The following EXOC4 variants were observed in gnomAD, a reference collection of about 807,000 sequenced individuals.
EXOC4 encodes the protein exocyst complex component 4.
In EXOC4, 71 loss-of-function variants were observed where a neutral mutation model predicts 107.2. The observed-to-expected ratio is 0.66, with a 90% CI of 0.55 to 0.81. The LOEUF is 0.81. EXOC4 is among the 30% of genes least tolerant of loss of function. The pLI, the probability that EXOC4 is intolerant of heterozygous loss-of-function variation, is 0.00. For synonymous variants in EXOC4, 456 were observed against 441.2 expected, an observed-to-expected ratio of 1.03 and a Z score of -0.42; for missense variants, 1,108 against 1,189.6, an observed-to-expected ratio of 0.93 and a Z score of 1.01.
intron 1 of EXOC4, among the ~76,000 whole-genome samples, chr7:133,269,426 A>G (rs1793812627): frequency 6.6e-6 from 1 of 152,186 alleles, no homozygotes; most frequent in South Asian, 2.1e-4. Flanking sequence ...CTTATCTGTA[A>G]AAAGGCTGGT....
chr7:133,302,597 A>G (rs1378449673), intron 3 of EXOC4, among the ~76,000 whole-genome samples: 2 of 152,220 alleles, frequency 1.3e-5, no homozygotes, highest in African/African-American at 2.4e-5. Flanking sequence ...TGATTTGTGA[A>G]TAGGGGAATA....
chr7:133,265,210 G>T (rs1793698082), intron 1 of EXOC4, among the ~76,000 whole-genome samples: 2 of 152,060 alleles, frequency 1.3e-5, no homozygotes, highest in Admixed American at 6.5e-5. Flanking sequence ...TCTGAAACTA[G>T]TGAACTCTTC....
intron 7 of EXOC4, among the ~76,000 whole-genome samples, chr7:133,376,308 T>G (rs1044627527): frequency 6.6e-6 from 1 of 152,208 alleles, no homozygotes; most frequent in Non-Finnish European, 1.5e-5. Flanking sequence ...GAATAAAATA[T>G]CTTTATGGGT....
chr7:133,745,149 G>A (rs917864182), intron 10 of EXOC4, among the ~76,000 whole-genome samples: 23 of 151,250 alleles, frequency 1.5e-4, no homozygotes, highest in African/African-American at 5.3e-4. Flanking sequence ...TTTTATTTTT[G>A]TTGCTTCCAT....
intron 10 of EXOC4, among the ~76,000 whole-genome samples, chr7:133,676,848 A>G (rs1794068296): frequency 6.6e-6 from 1 of 151,912 alleles, no homozygotes; most frequent in Non-Finnish European, 1.5e-5. Context: ...GGAGTTTCTT[A>G]TGTATATTAT....
intron 12 of EXOC4, among the ~76,000 whole-genome samples, chr7:133,912,557 C>G (rs866401371): frequency 3.3e-5 from 5 of 152,162 alleles, no homozygotes. Flanking sequence ...GAGAATAAAA[C>G]GGAAACCATT....
intron 14 of EXOC4, among the ~76,000 whole-genome samples, chr7:133,990,301 T>C (rs1042680046): frequency 1.5e-4 from 19 of 124,620 alleles, no homozygotes; most frequent in African/African-American, 5.5e-4. Flanking sequence ...TCTCAGCCTC[T>C]AGTAATCACC....
At chr7:134,061,549 G>A (rs1043038045) in intron 17 of EXOC4, among the ~76,000 whole-genome samples, 2 of 152,164 alleles carry the variant, frequency 1.3e-5, no homozygotes, top group African/African-American at 2.4e-5. Context: ...CAAGAACTGC[G>A]AGTCTAGAAA....
At chr7:133,686,329 T>C (rs1443093162) in intron 10 of EXOC4, among the ~76,000 whole-genome samples, 1 of 152,208 alleles carries the variant, frequency 6.6e-6, no homozygotes, top group Non-Finnish European at 1.5e-5. Context: ...AATTTCTGTA[T>C]TGGCATTTCC....
chr7:133,989,117 T>C (rs1379326828), intron 14 of EXOC4, among the ~76,000 whole-genome samples: 2 of 152,094 alleles, frequency 1.3e-5, no homozygotes, highest in Admixed American at 1.3e-4. Flanking sequence ...AAAAAATAAA[T>C]ATTAAGAAAA....
chr7:133,951,491 T>C (rs1800689722), intron 14 of EXOC4, among the ~76,000 whole-genome samples: 1 of 152,216 alleles, frequency 6.6e-6, no homozygotes, highest in South Asian at 2.1e-4. Flanking sequence ...CTGAGACTAT[T>C]TTATTTCTTG....
At chr7:133,875,926 C>G (rs959447728) in intron 11 of EXOC4, among the ~76,000 whole-genome samples, 4 of 152,160 alleles carry the variant, frequency 2.6e-5, no homozygotes, top group African/African-American at 9.7e-5. Flanking sequence ...GGTTAAGATA[C>G]GGGCTCTGGA....
chr7:133,517,786 A>T (rs1326261799), intron 9 of EXOC4, among the ~76,000 whole-genome samples: 2 of 152,140 alleles, frequency 1.3e-5, no homozygotes, highest in African/African-American at 2.4e-5. Flanking sequence ...CAGCCAAACC[A>T]TATCACCATG....
intron 7 of EXOC4, among the ~76,000 whole-genome samples, chr7:133,443,805 CA>C (rs1798157900): frequency 6.6e-6 from 1 of 152,182 alleles, no homozygotes; most frequent in African/African-American, 2.4e-5. Flanking sequence ...CACCCCCTCT[CA>C]AAGGGGCATG....
At chr7:133,906,491 C>G (rs1157395536) in intron 12 of EXOC4, among the ~76,000 whole-genome samples, 8 of 152,192 alleles carry the variant, frequency 5.3e-5, no homozygotes, top group Non-Finnish European at 4.4e-5. Flanking sequence ...AAAGAAATAG[C>G]CAATCATCTA....
intron 2 of EXOC4, among the ~76,000 whole-genome samples, chr7:133,287,089 T>G (rs1794296969): frequency 6.6e-6 from 1 of 152,180 alleles, no homozygotes; most frequent in South Asian, 2.1e-4. Context: ...GCCTGCTAAT[T>G]TAGTTGCCTA....
intron 8 of EXOC4, among the ~76,000 whole-genome samples, chr7:133,476,697 A>T (rs969351349): frequency 2.0e-5 from 3 of 152,180 alleles, no homozygotes; most frequent in Non-Finnish European, 1.5e-5. Flanking sequence ...TTATTCAGAG[A>T]GTGGATGCAA....
chr7:133,829,740 C>G (rs1049302444), intron 11 of EXOC4, among the ~76,000 whole-genome samples: 26 of 152,234 alleles, frequency 1.7e-4, no homozygotes, highest in African/African-American at 6.0e-4. Context: ...CTTTAGCACA[C>G]TCACGTTTGT....
chr7:133,796,604 A>G (rs1796820680), intron 10 of EXOC4, among the ~76,000 whole-genome samples: 1 of 152,066 alleles, frequency 6.6e-6, no homozygotes, highest in African/African-American at 2.4e-5. Flanking sequence ...CAAAAAATAT[A>G]AAAATTAGCT....
Sources: allele counts gnomAD v4.1 joint callset (sites outside exome capture counted in the v4.1 genomes callset), GRCh38; gene constraint gnomAD v4.1.1; transcripts MANE v1.5; gene names NCBI Gene and HGNC (gene_info 2026-07-23, HGNC 2026-07-21).